RCC1: variants seen among roughly 807,000 people sequenced by gnomAD.
RCC1 encodes regulator of chromosome condensation.
In RCC1, 11 loss-of-function variants were observed where a neutral mutation model predicts 44.4. The ratio of observed to expected loss-of-function variants is 0.25; its 90% CI spans 0.16 to 0.41. The LOEUF (loss-of-function observed/expected upper bound fraction) is 0.41. Ranked by LOEUF, RCC1 falls within the 10% of genes least tolerant of loss-of-function variation. The probability of loss-of-function intolerance (pLI) is 1.00; values close to 1 mark genes in which losing one functional copy is unlikely to be tolerated. For missense variants in RCC1, 386 were observed against 547.1 expected (o/e 0.71, Z 2.94); for synonymous variants, 213 against 216.5 (o/e 0.98, Z 0.14).
chr1:28,512,083 T>G (rs548576564), intron 3 of RCC1, among the ~76,000 whole-genome samples: 142 of 149,374 alleles, frequency 9.5e-4, no homozygotes, highest in Non-Finnish European at 1.7e-3. Flanking sequence ...CAAGCGATTC[T>G]CCTGCCTCAA....
chr1:28,512,024 GAGTGC>G (rs1223606705), intron 3 of RCC1, among the ~76,000 whole-genome samples: 1 of 146,668 alleles, frequency 6.8e-6, no homozygotes, highest in Admixed American at 6.9e-5. Flanking sequence ...TCCCAGGCTG[GAGTGC>G]AGTGGCGTGA....
chr1:28,529,894 A>C lies in RCC1; in HGVS notation c.28A>C (p.Arg10=). 1 of 1,614,120 alleles carries C rather than the reference A, an allele frequency of 6.2e-7. No homozygotes were observed. Among genetic ancestry groups the C allele is most frequent in the South Asian group, 1.1e-5 (1 of 91,082 alleles). The change falls in exon 5 of 13, where the codon AGG becomes CGG. Residue 10 remains arginine (R), a synonymous_variant. Coordinates refer to ENST00000683442, the MANE Select transcript of RCC1 (RefSeq NM_001381865.2). ...GTCACCCAAGCGCATAGCTAAAAGA[A>C]GGTCCCCCCCAGCAGATGCCATCCC... is the stretch of plus-strand genomic sequence containing the variant. MSPKRIAKR[R]SPPADAIPKS...
At position 28,523,965 on chromosome 1, in the gene RCC1, G is replaced by A. The variant is rs374443312; in HGVS notation, c.-9-5893G>A. The stretch of plus-strand genomic sequence containing the variant: ...CCGAGTAGCTGGGATTACAGCACGC[G>A]TCACCACGCCTGGCTAATTTTGTAT... On this transcript the variant is annotated intron_variant, in intron 4 of 12. Coordinates refer to ENST00000683442, the MANE Select transcript of RCC1 (RefSeq NM_001381865.2). 3.1e-4 allele frequency among the ~76,000 whole-genome samples: 47 copies of A among 152,230 alleles called. No individual in the cohort carries two copies. In the South Asian group the frequency reaches 6.8e-3, roughly 22 times the overall value.
chr1:28,517,268 C>G (rs1317735793), intron 4 of RCC1, among the ~76,000 whole-genome samples: 1 of 152,100 alleles, frequency 6.6e-6, no homozygotes, highest in Non-Finnish European at 1.5e-5. Flanking sequence ...ACCTGAAATC[C>G]TGAAGAACTG....
intron 9 of RCC1, 23 bp from the exon 10 acceptor site, chr1:28,535,848 C>T (rs368010041): frequency 1.1e-4 from 174 of 1,604,136 alleles, no homozygotes; most frequent in Non-Finnish European, 1.4e-4. Flanking sequence ...TGTCACTGAC[C>T]GTGGCTTTCC....
intron 2 of RCC1, 191 bp from the exon 3 acceptor site, chr1:28,508,639 T>C (rs910223703): frequency 1.2e-5 from 6 of 518,808 alleles, no homozygotes; most frequent in African/African-American, 1.9e-5. Flanking sequence ...TGCCCCATGA[T>C]GTACAGTCCC....
chr1:28,507,284 T>G (rs1662035791), intron 1 of RCC1: 1 of 490,916 alleles, frequency 2.0e-6, no homozygotes, highest in Admixed American at 2.0e-5. Context: ...TCGTTTGCTT[T>G]CTTGTTTAAG....
intron 7 of RCC1, among the ~76,000 whole-genome samples, chr1:28,533,845 C>CTTTTTTTTTTTTTATTTTTTTTTTTT (rs1664357634): frequency 2.1e-5 from 1 of 46,870 alleles, no homozygotes. Flanking sequence ...CTTTTCTTTT[C>CTTTTTTTTTTTTTATTTTTTTTTTTT]TTTTTTTTTT....
At chr1:28,534,442 A>G (rs372964543) in intron 7 of RCC1, among the ~76,000 whole-genome samples, 19 of 151,950 alleles carry the variant, frequency 1.3e-4, no homozygotes, top group African/African-American at 4.6e-4. Flanking sequence ...GGCCTCCCAA[A>G]GTGCTGGGAT....
At chr1:28,529,304 C>T (rs886119342) in intron 4 of RCC1, among the ~76,000 whole-genome samples, 1 of 151,126 alleles carries the variant, frequency 6.6e-6, no homozygotes, top group African/African-American at 2.4e-5. Context: ...CTGCCTCAGC[C>T]TCCTGAGTAG....
chr1:28,513,074 C>CTT lies in RCC1; in HGVS notation c.-152-3640_-152-3639dup, dbSNP rs930880442. Reference sequence around the variant, plus strand: ...AGGTGTGAGCCACCGCGCCCAGCCTCTTTTTTTTTTTTAGACAAGAGTCTC... The same window carrying CTT: ...AGGTGTGAGCCACCGCGCCCAGCCTCTTTTTTTTTTTTTTAGACAAGAGTCTC... On this transcript the variant is annotated intron_variant, in intron 3 of 12. Coordinates refer to ENST00000683442, the MANE Select transcript of RCC1 (RefSeq NM_001381865.2). Among the ~76,000 whole-genome samples, 448 of 143,692 alleles carry CTT rather than the reference C, an allele frequency of 3.1e-3. 1 individual carries two copies. Among genetic ancestry groups the CTT allele is most frequent in the African/African-American group, 0.011 (432 of 39,422 alleles). 94.3% of individuals were successfully genotyped at this position (143,692 alleles called of 152,430 possible). A position where few individuals can be genotyped will look rare whatever the true frequency, so the allele number is the denominator to read the frequency against.
At chr1:28,527,759 C>G (rs1002478160) in intron 4 of RCC1, among the ~76,000 whole-genome samples, 1 of 151,998 alleles carries the variant, frequency 6.6e-6, no homozygotes, top group Non-Finnish European at 1.5e-5. Flanking sequence ...GCCTGTAATC[C>G]CGCACTTTGG....
intron 7 of RCC1, among the ~76,000 whole-genome samples, chr1:28,533,004 G>A (rs1245336647): frequency 1.3e-5 from 2 of 151,914 alleles, no homozygotes; most frequent in Non-Finnish European, 1.5e-5. Flanking sequence ...TAGTAGAGAC[G>A]GGGTTTCCCC....
At chr1:28,527,025 C>T (rs972299887) in intron 4 of RCC1, 1 of 820,786 alleles carries the variant, frequency 1.2e-6, no homozygotes, top group East Asian at 2.4e-5. Context: ...AAATAGGGCG[C>T]ATGCTGGGTG....
intron 3 of RCC1, chr1:28,509,572 A>G (rs1318753888): frequency 6.6e-6 from 1 of 152,252 alleles, no homozygotes; most frequent in African/African-American, 2.4e-5. Context: ...TTTGTAATTT[A>G]CCTAACAAAT....
chr1:28,522,846 TAC>T (rs911282572), intron 4 of RCC1, among the ~76,000 whole-genome samples: 1 of 151,092 alleles, frequency 6.6e-6, no homozygotes, highest in Admixed American at 6.6e-5. Context: ...TGTATATATA[TAC>T]ACACACACAT....
Position 28,523,027 on chromosome 1 carries a change from CTTTTTT to C in RCC1, c.-10+6177_-10+6182del, listed in dbSNP as rs775851239. 6.2e-3 allele frequency among the ~76,000 whole-genome samples: 565 copies of C among 91,016 alleles called. 3 individuals carry two copies. The highest frequency in any genetic ancestry group is 0.023 in the African/African-American group (526 of 22,910). The allele number at this position is 91,016 out of a possible 152,430, so 59.7% of individuals were successfully genotyped here. On this transcript the variant is annotated intron_variant, in intron 4 of 12. Transcript: ENST00000683442. ...GGGAGGAAGGAGGCAGAAGAAATTT[CTTTTTT>C]TTTTTTTTTTTTTTTTGAGACGGAG...
chr1:28,508,295 A>G, intron 2 of RCC1, 135 bp downstream of exon 2: 1 of 354,608 alleles, frequency 2.8e-6, no homozygotes, highest in Non-Finnish European at 5.6e-6. Context: ...TCTCAGAGCA[A>G]TAGCCAAATA....
In RCC1 at chr1:28,536,825, C is replaced by T; in HGVS notation, c.1016C>T (p.Thr339Ile). 1 of 1,614,114 alleles carries T rather than the reference C, an allele frequency of 6.2e-7. No individual in the cohort carries two copies. The highest frequency in any genetic ancestry group is 8.5e-7 in the Non-Finnish European group (1 of 1,180,006). ...GEGAEEKSIP[T>I]LISRLPAVSS... Reference sequence around the variant, plus strand: ...GGTGCTGAGGAGAAGAGCATACCCACCCTCATCTCCAGGCTGCCTGCTGTC... The same window carrying T: ...GGTGCTGAGGAGAAGAGCATACCCATCCTCATCTCCAGGCTGCCTGCTGTC... Residue 339 changes from threonine to isoleucine, a missense_variant, in exon 12 of 13, where the codon ACC becomes ATC. Thr to Ile is a moderately conservative substitution (Grantham distance 89, BLOSUM62 -1). Transcript: ENST00000683442. The surrounding 1 kb of genome is among the most constrained non-coding windows in gnomAD (Gnocchi z 4.9).
Sources: allele counts gnomAD v4.1 joint callset (sites outside exome capture counted in the v4.1 genomes callset), GRCh38; gene constraint gnomAD v4.1.1; non-coding constraint Gnocchi (gnomAD v3.1); transcripts MANE v1.5; gene names NCBI Gene and HGNC (gene_info 2026-07-23, HGNC 2026-07-21).